CDH10: variants seen among roughly 807,000 people sequenced by gnomAD.
CDH10 encodes the protein cadherin-10.
A neutral mutation model predicts 73.1 loss-of-function variants in CDH10; 30 were observed. The ratio of observed to expected loss-of-function variants is 0.41; its 90% confidence interval spans 0.31 to 0.56. CDH10 has a LOEUF of 0.56. Among genes scored for constraint, CDH10 ranks in the 20% least tolerant of loss-of-function variants. The pLI is 0.27. For synonymous variants in CDH10, 345 were observed against 348.2 expected, an observed-to-expected ratio of 0.99 and a Z score of 0.10; for missense variants, 815 against 973.7, an observed-to-expected ratio of 0.84 and a Z score of 2.17.
intron 2 of CDH10, among the ~76,000 whole-genome samples, chr5:24,548,857 G>T (rs1744441019): frequency 6.6e-6 from 1 of 151,782 alleles, no homozygotes; most frequent in Non-Finnish European, 1.5e-5. Context: ...TAATATACAA[G>T]AATAAAAGTA....
intron 1 of CDH10, among the ~76,000 whole-genome samples, chr5:24,623,413 G>A (rs1050372516): frequency 2.0e-5 from 3 of 152,108 alleles, no homozygotes; most frequent in Non-Finnish European, 4.4e-5. Flanking sequence ...TGTGTAAACC[G>A]CATAACAAAT....
intron 2 of CDH10, among the ~76,000 whole-genome samples, chr5:24,568,669 AG>A (rs1745252230): frequency 6.6e-6 from 1 of 152,146 alleles, no homozygotes; most frequent in Admixed American, 6.5e-5. Context: ...GATTGAAAGC[AG>A]GAATTTGAGC....
intron 2 of CDH10, among the ~76,000 whole-genome samples, chr5:24,567,780 A>G (rs1745217137): frequency 6.6e-6 from 1 of 152,092 alleles, no homozygotes; most frequent in African/African-American, 2.4e-5. Flanking sequence ...TGCTATATGT[A>G]AATTATACTT....
At chr5:24,541,951 A>C (rs984563566) in intron 2 of CDH10, among the ~76,000 whole-genome samples, 1 of 152,226 alleles carries the variant, frequency 6.6e-6, no homozygotes, top group South Asian at 2.1e-4. Context: ...CAGACATTTA[A>C]TTGTAATACA....
At position 24,586,611 on chromosome 5, in the gene CDH10, T is replaced by C. The variant is rs576086137; in HGVS notation, c.231+6649A>G. Among the ~76,000 whole-genome samples the C allele has an allele frequency of 1.7e-3, 250 of 143,702 alleles. 1 individual carries two copies. Among genetic ancestry groups the C allele is most frequent in the African/African-American group, 6.9e-3 (242 of 35,178 alleles). The allele number at this position is 143,702 out of a possible 152,430, so 94.3% of individuals were successfully genotyped here. A position where few individuals can be genotyped will look rare whatever the true frequency, so the allele number is the denominator to read the frequency against. On this transcript the variant is annotated intron_variant, in intron 2 of 11. Transcript: ENST00000264463. ...GCATACACTACCATGCCCGGATAATTTTTTTGTATTTTTAGTAGAAACAAG... is the reference window on the plus strand; with the variant it reads ...GCATACACTACCATGCCCGGATAATCTTTTTGTATTTTTAGTAGAAACAAG...
At chr5:24,535,348 A>T in intron 4 of CDH10, 69 bp from the exon 5 acceptor site, 1 of 1,428,420 alleles carries the variant, frequency 7.0e-7, no homozygotes, top group Non-Finnish European at 9.6e-7. Context: ...TTAAGTCCAC[A>T]AAAAGTATTT....
intron 1 of CDH10, among the ~76,000 whole-genome samples, chr5:24,593,977 A>G (rs1044990180): frequency 2.0e-5 from 3 of 151,972 alleles, no homozygotes; most frequent in Non-Finnish European, 2.9e-5. Flanking sequence ...AATTTTGAAA[A>G]CAAAACTGAT....
At chr5:24,579,802 C>G (rs1745728734) in intron 2 of CDH10, among the ~76,000 whole-genome samples, 1 of 151,766 alleles carries the variant, frequency 6.6e-6, no homozygotes, top group South Asian at 2.1e-4. Flanking sequence ...GAGGGTTTGC[C>G]CCTGAAAATG....
Position 24,601,422 on chromosome 5 carries a change from T to G in CDH10, c.-123-7809A>C, listed in dbSNP as rs547754617. ...CCTACATAATTTAGTAATGAATAGA[T>G]GTTACTATGATTAAAATTTACATGC... On this transcript the variant is annotated intron_variant, in intron 1 of 11. Coordinates refer to ENST00000264463, the MANE Select transcript of CDH10 (RefSeq NM_006727.5). Among the ~76,000 whole-genome samples the G allele has an allele frequency of 3.3e-5, 5 of 152,238 alleles. No individual in the cohort carries two copies. The South Asian group carries it at 1.0e-3, about 32-fold the overall frequency.
At chr5:24,528,588 T>A (rs186628694) in intron 5 of CDH10, among the ~76,000 whole-genome samples, 165 of 152,082 alleles carry the variant, frequency 1.1e-3, no homozygotes, top group African/African-American at 3.8e-3. Context: ...CCAGGCAGTA[T>A]AAGGATCCCA....
At chr5:24,614,438 C>T (rs1380048083) in intron 1 of CDH10, among the ~76,000 whole-genome samples, 3 of 152,110 alleles carry the variant, frequency 2.0e-5, no homozygotes, top group Admixed American at 2.0e-4. Context: ...ATTTGGAAAA[C>T]ACTAATTGGG....
At chr5:24,529,276 T>A (rs1022958681) in intron 5 of CDH10, among the ~76,000 whole-genome samples, 2 of 152,006 alleles carry the variant, frequency 1.3e-5, no homozygotes, top group African/African-American at 4.8e-5. Flanking sequence ...AGGTTCCTCA[T>A]AATTCTGGAA....
chr5:24,520,709 T>A (rs189295453), intron 5 of CDH10, among the ~76,000 whole-genome samples: 1 of 152,134 alleles, frequency 6.6e-6, no homozygotes, highest in East Asian at 1.9e-4. Context: ...CAAACACATA[T>A]ACAACACAAA....
intron 5 of CDH10, among the ~76,000 whole-genome samples, chr5:24,521,741 T>C (rs1690670557): frequency 6.6e-6 from 1 of 152,032 alleles, no homozygotes; most frequent in Non-Finnish European, 1.5e-5. Flanking sequence ...AACATAATCA[T>C]TGAAGTTAAG....
chr5:24,627,660 A>T (rs376114693), intron 1 of CDH10, among the ~76,000 whole-genome samples: 2 of 152,098 alleles, frequency 1.3e-5, no homozygotes, highest in Admixed American at 1.3e-4. Context: ...GCCTCCTTTA[A>T]CATGAGGATG....
At chr5:24,597,993 T>C (rs1746429865) in intron 1 of CDH10, among the ~76,000 whole-genome samples, 1 of 151,896 alleles carries the variant, frequency 6.6e-6, no homozygotes, top group Non-Finnish European at 1.5e-5. Context: ...ATTATAGATA[T>C]AAAAGTCCCT....
Position 24,588,212 on chromosome 5 carries a change from A to T in CDH10, c.231+5048T>A, listed in dbSNP as rs376761136. Among the ~76,000 whole-genome samples, 33 of 152,296 alleles carry T rather than the reference A, an allele frequency of 2.2e-4. No homozygotes were observed. The South Asian group carries it at 6.6e-3, about 31-fold the overall frequency. ...CACATCAACCTGATTAATGTTTTCCAGAAATTTTTCTAAGTAAAATTTCCT... is the reference window on the plus strand; with the variant it reads ...CACATCAACCTGATTAATGTTTTCCTGAAATTTTTCTAAGTAAAATTTCCT... On this transcript the variant is annotated intron_variant, in intron 2 of 11. Coordinates refer to ENST00000264463, the MANE Select transcript of CDH10 (RefSeq NM_006727.5).
intron 2 of CDH10, among the ~76,000 whole-genome samples, chr5:24,553,216 C>A (rs575267515): frequency 9.4e-6 from 1 of 106,412 alleles, no homozygotes; most frequent in East Asian, 3.3e-4. Context: ...GGATTTATTT[C>A]TTTCAGAAGC....
At chr5:24,510,700 CT>C (rs1742873613) in intron 6 of CDH10, among the ~76,000 whole-genome samples, 1 of 152,132 alleles carries the variant, frequency 6.6e-6, no homozygotes, top group Admixed American at 6.5e-5. Flanking sequence ...TTAACTAATG[CT>C]TGTGTAGTTA....
Sources: allele counts gnomAD v4.1 joint callset (sites outside exome capture counted in the v4.1 genomes callset), GRCh38; gene constraint gnomAD v4.1.1; transcripts MANE v1.5; gene names NCBI Gene and HGNC (gene_info 2026-07-23, HGNC 2026-07-21).